MED21: variants seen among roughly 807,000 people sequenced by gnomAD.
MED21 encodes the protein mediator complex subunit 21.
A neutral mutation model predicts 18.2 loss-of-function variants in MED21; 9 were observed. The ratio of observed to expected loss-of-function variants is 0.49; its 90% CI spans 0.30 to 0.86. The LOEUF (loss-of-function observed/expected upper bound fraction) is 0.86. Among genes scored for constraint, MED21 ranks in the 40% least tolerant of loss-of-function variants. The pLI is 0.07. For synonymous variants in MED21, 73 were observed against 60.5 expected, an observed-to-expected ratio of 1.21 and a Z score of -0.96; for missense variants, 150 against 170.9, an observed-to-expected ratio of 0.88 and a Z score of 0.68.
At position 27,022,585 on chromosome 12, in the gene MED21, G is replaced by A; in HGVS notation, c.6G>A (p.Ala2=). 6.4e-7 allele frequency: 1 copy of A among 1,565,852 alleles called. No homozygotes were observed. The highest frequency in any genetic ancestry group is 8.7e-7 in the Non-Finnish European group (1 of 1,150,196). The change falls in exon 1 of 4, where the codon GCG becomes GCA. Residue 2 remains alanine (A), a synonymous_variant. Coordinates refer to ENST00000282892, the MANE Select transcript of MED21 (RefSeq NM_004264.5). M[A]DRLTQLQDAV... ...CTGTTTGCTGCGGTAGGAACATGGC[G>A]GATCGGCTCACGCAGCTTCAGGACG...
At chr12:27,031,278 A>G (rs1221040335), downstream of MED21, among the ~76,000 whole-genome samples, 1 of 152,200 alleles carries the variant, frequency 6.6e-6, no homozygotes, top group Non-Finnish European at 1.5e-5. Flanking sequence ...AGAGCCTTTC[A>G]AGAATGGTAC....
chr12:27,029,469 C>G lies in MED21; in HGVS notation c.*1008C>G, dbSNP rs1941588006. On this transcript the variant is annotated 3_prime_UTR_variant, in exon 4 of 4. Coordinates refer to ENST00000282892, the MANE Select transcript of MED21 (RefSeq NM_004264.5). Reference sequence around the variant, plus strand: ...TGGTCCACATTTTAACTAGCTATTTCCTGGGGCTGTATTTTTCAGAATATG... The same window carrying G: ...TGGTCCACATTTTAACTAGCTATTTGCTGGGGCTGTATTTTTCAGAATATG... 1.0e-6 allele frequency: 1 copy of G among 985,420 alleles called. No homozygotes were observed. Among genetic ancestry groups the G allele is most frequent in the Non-Finnish European group, 1.2e-6 (1 of 829,936 alleles). 61.0% of individuals were successfully genotyped at this position (985,420 alleles called of 1,614,324 possible).
At position 27,026,492 on chromosome 12, in the gene MED21, C is replaced by G. The variant is rs199586386; in HGVS notation, c.115C>G (p.Gln39Glu). ...CGPPASFNNIQTAINKDQPAN... is the reference protein window; with the variant it reads ...CGPPASFNNIETAINKDQPAN... The stretch of plus-strand genomic sequence containing the variant: ...TCCTCCTGCCTCTTTCAATAATATT[C>G]AGACAGCAATTAACAAAGACCAGCC... Residue 39 changes from glutamine to glutamate, a missense_variant, in exon 2 of 4, where the codon CAG becomes GAG. Physicochemically the swap from Gln to Glu is conservative, Grantham distance 29. Transcript: ENST00000282892. 3.7e-6 allele frequency: 6 copies of G among 1,613,886 alleles called. No individual in the cohort carries two copies. In the Admixed American group the frequency reaches 8.3e-5, roughly 22 times the overall value.
At chr12:27,023,250 A>G (rs1941497366) in intron 1 of MED21, among the ~76,000 whole-genome samples, 1 of 149,230 alleles carries the variant, frequency 6.7e-6, no homozygotes, top group Non-Finnish European at 1.5e-5. Flanking sequence ...ATGATAGGAA[A>G]TCTTCTAATC....
downstream of MED21, among the ~76,000 whole-genome samples, chr12:27,034,205 C>T (rs573834265): frequency 4.4e-4 from 67 of 152,226 alleles, no homozygotes; most frequent in Non-Finnish European, 8.7e-4. Flanking sequence ...CACCTGAGGT[C>T]AGGTGTTCAA....
chr12:27,037,511 C>T (rs1247585320), intron 2 of MED21: 1 of 152,108 alleles, frequency 6.6e-6, no homozygotes, highest in African/African-American at 2.4e-5. Flanking sequence ...GCATCCCTGT[C>T]TTGTGCCAGT....
chr12:27,035,220 A>G (rs1033605740), downstream of MED21, among the ~76,000 whole-genome samples: 7 of 152,156 alleles, frequency 4.6e-5, no homozygotes, highest in Admixed American at 2.0e-4. Context: ...CAAACAAAAT[A>G]AAAACAACAG....
downstream of MED21, among the ~76,000 whole-genome samples, chr12:27,031,409 C>T (rs150713593): frequency 9.9e-5 from 15 of 152,186 alleles, no homozygotes; most frequent in East Asian, 2.9e-3. Flanking sequence ...ATTTCTATGT[C>T]CTTGATACCA....
rs1251794856 is a variant in MED21, at chr12:27,029,870, T to TATTG, written c.*1409_*1410insATTG. 3 of 990,498 alleles carry TATTG rather than the reference T, an allele frequency of 3.0e-6. No homozygotes were observed. The African/African-American group carries it at 5.1e-5, about 17-fold the overall frequency. 61.4% of individuals were successfully genotyped at this position (990,498 alleles called of 1,614,324 possible). On this transcript the variant is annotated 3_prime_UTR_variant, in exon 4 of 4. Transcript: ENST00000282892. ...GTCAAAAAGGTACAAAGAGAAAAGG[T>TATTG]CAAGACATTTTTCAAATGAGGGAAA...
intron 1 of MED21, among the ~76,000 whole-genome samples, chr12:27,023,740 C>T (rs1455083519): frequency 6.6e-6 from 1 of 152,100 alleles, no homozygotes. Flanking sequence ...CCAGAGGATG[C>T]GCAGTCATGG....
rs1036400477 is a variant in MED21, at chr12:27,029,433, G to A, written c.*972G>A. The stretch of plus-strand genomic sequence containing the variant: ...ACTGATAATCTCCACTGGAAAGGTG[G>A]AATTGAAATGTGGTCCACATTTTAA... On this transcript the variant is annotated 3_prime_UTR_variant, in exon 4 of 4. Transcript: ENST00000282892. 10 of 985,280 alleles carry A rather than the reference G, an allele frequency of 1.0e-5. No individual in the cohort carries two copies. The highest frequency in any genetic ancestry group is 1.2e-5 in the Non-Finnish European group (10 of 829,928). The allele number at this position is 985,280 out of a possible 1,614,324, so 61.0% of individuals were successfully genotyped here. A position where few individuals can be genotyped will look rare whatever the true frequency, so the allele number is the denominator to read the frequency against.
chr12:27,032,982 C>G (rs1367219280), downstream of MED21, among the ~76,000 whole-genome samples: 1 of 152,176 alleles, frequency 6.6e-6, no homozygotes, highest in African/African-American at 2.4e-5. Context: ...ACCTGCTCCT[C>G]TCCTCCACGT....
At chr12:27,025,823 A>G (rs942850720) in intron 1 of MED21, among the ~76,000 whole-genome samples, 3 of 152,134 alleles carry the variant, frequency 2.0e-5, no homozygotes, top group Non-Finnish European at 4.4e-5. Context: ...AGGAATTGCT[A>G]TTCCCAATCT....
intron 1 of MED21, among the ~76,000 whole-genome samples, chr12:27,023,300 C>CTTTTCTTTTTTTTTTT (rs1555110746): frequency 1.8e-5 from 2 of 110,440 alleles, no homozygotes; most frequent in African/African-American, 7.2e-5. Flanking sequence ...TTTTTCTTTT[C>CTTTTCTTTTTTTTTTT]TTTTTTTTTT....
At chr12:27,034,567 C>T (rs775402812), downstream of MED21, among the ~76,000 whole-genome samples, 2 of 152,174 alleles carry the variant, frequency 1.3e-5, no homozygotes, top group Non-Finnish European at 2.9e-5. Flanking sequence ...CCACCTCAGC[C>T]TCCCGAGTAG....
intron 3 of MED21, 35 bp downstream of exon 3, chr12:27,027,482 A>G (rs1236253690): frequency 6.6e-7 from 1 of 1,511,214 alleles, no homozygotes; most frequent in Non-Finnish European, 9.1e-7. Context: ...TTTACCAGTA[A>G]TAGAGAATTT....
At chr12:27,030,725 C>T (rs1941610422), downstream of MED21, 2 of 152,174 alleles carry the variant, frequency 1.3e-5, no homozygotes, top group African/African-American at 4.8e-5. Context: ...TCCTGCTTCT[C>T]TATTTCAGTT....
At chr12:27,026,938 T>C (rs1941552901) in intron 2 of MED21, among the ~76,000 whole-genome samples, 1 of 152,172 alleles carries the variant, frequency 6.6e-6, no homozygotes. Flanking sequence ...GAATCTTCTT[T>C]TTTTTTTTGA....
intron 2 of MED21, chr12:27,037,236 CTGTT>C (rs1941655165): frequency 1.3e-5 from 2 of 151,470 alleles, no homozygotes; most frequent in Admixed American, 6.6e-5. Flanking sequence ...ATTTGGCTCT[CTGTT>C]TGTCTGTTAT....
Sources: gnomAD v4.1 joint callset for allele counts (sites outside exome capture counted in the v4.1 genomes callset) on GRCh38, gnomAD v4.1.1 for gene constraint, MANE v1.5 for transcripts, NCBI Gene and HGNC (gene_info 2026-07-23, HGNC 2026-07-21) for gene names.